MAPK10: variants seen among roughly 807,000 people sequenced by gnomAD.
The protein encoded by MAPK10 is JNK3 alpha protein kinase.
MAPK10 carries 25 observed loss-of-function variants against 59.3 expected under a neutral mutation model. The observed-to-expected ratio is 0.42, with a 90% confidence interval of 0.31 to 0.59. The LOEUF (loss-of-function observed/expected upper bound fraction) is 0.59. MAPK10 is among the 20% of genes least tolerant of loss of function. The pLI is 0.15. For missense variants in MAPK10, 351 were observed against 568.9 expected, an observed-to-expected ratio of 0.62 and a Z score of 3.90; for synonymous variants, 190 against 200.5, an observed-to-expected ratio of 0.95 and a Z score of 0.44.
chr4:86,289,788 T>C (rs558195604), intron 2 of MAPK10, among the ~76,000 whole-genome samples: 9 of 151,988 alleles, frequency 5.9e-5, no homozygotes, highest in South Asian at 2.1e-4. Flanking sequence ...GAAATACTCA[T>C]TTGAGGTAAA....
intron 1 of MAPK10, among the ~76,000 whole-genome samples, chr4:86,586,449 T>C (rs2149115062): frequency 6.6e-6 from 1 of 152,324 alleles, no homozygotes; most frequent in African/African-American, 2.4e-5. Context: ...TCTTTCCTAC[T>C]TCCCCTTCGT....
At chr4:86,123,907 T>C (rs1580714336) in intron 4 of MAPK10, 2 of 152,074 alleles carry the variant, frequency 1.3e-5, no homozygotes, top group African/African-American at 4.8e-5. Flanking sequence ...ATTTAAGTTA[T>C]GGCTACTTTA....
intron 4 of MAPK10, among the ~76,000 whole-genome samples, chr4:86,118,573 TACACATACAC>T (rs1405328624): frequency 5.9e-4 from 51 of 86,836 alleles, no homozygotes; most frequent in African/African-American, 2.0e-3. Flanking sequence ...TTTATATAAA[TACACATACAC>T]ACACACACAC....
rs1222895177 is a variant in MAPK10, at chr4:86,276,451, A to G, written c.-7+78079T>C. 3.3e-5 allele frequency among the ~76,000 whole-genome samples: 5 copies of G among 152,152 alleles called. 1 individual carries two copies. The South Asian group carries it at 1.0e-3, about 31-fold the overall frequency. On this transcript the variant is annotated intron_variant, in intron 2 of 13. Coordinates refer to ENST00000641462, the MANE Select transcript of MAPK10 (RefSeq NM_138982.4). ...AAGCTGCTGTAACAAAGAGAACCCA[A>G]TGTTTAAAAAAAAGATACATGCTTG...
In MAPK10 at chr4:86,101,034, C is replaced by G; in HGVS notation, c.730+18G>C. 6.2e-7 allele frequency: 1 copy of G among 1,610,944 alleles called. No homozygotes were observed. The highest frequency in any genetic ancestry group is 8.5e-7 in the Non-Finnish European group (1 of 1,177,768). The stretch of plus-strand genomic sequence containing the variant: ...TTTCATTCATGGTTTTGATGCTGCT[C>G]TCCCGAAGCATCCCTACCGTTCTCC... On this transcript the variant is annotated intron_variant, in intron 8 of 13. Transcript: ENST00000641462.
chr4:86,237,227 A>T (rs1195907882), intron 2 of MAPK10, among the ~76,000 whole-genome samples: 2 of 152,132 alleles, frequency 1.3e-5, no homozygotes, highest in African/African-American at 4.8e-5. Flanking sequence ...TCCATGGTGA[A>T]TATGTACCAC....
chr4:86,086,794 T>A (rs1480229950), intron 9 of MAPK10, among the ~76,000 whole-genome samples: 1 of 152,190 alleles, frequency 6.6e-6, no homozygotes, highest in South Asian at 2.1e-4. Context: ...CAGAATTTTT[T>A]AAATCAGTAA....
chr4:86,370,175 T>C (rs1738536069), intron 1 of MAPK10, among the ~76,000 whole-genome samples: 1 of 152,150 alleles, frequency 6.6e-6, no homozygotes, highest in Non-Finnish European at 1.5e-5. Flanking sequence ...GGAGATACAG[T>C]TGATCATATG....
Position 86,102,718 on chromosome 4 carries a change from A to T in MAPK10, c.425+468T>A, listed in dbSNP as rs1448553775. 2.0e-5 allele frequency among the ~76,000 whole-genome samples: 3 copies of T among 152,026 alleles called. No homozygotes were observed. In the East Asian group the frequency reaches 5.8e-4, roughly 29 times the overall value. On this transcript the variant is annotated intron_variant, in intron 6 of 13. Coordinates refer to ENST00000641462, the MANE Select transcript of MAPK10 (RefSeq NM_138982.4). ...GTATTTTTAGTAGAGGTGGGGTTTC[A>T]CCATGTTGGCCAGCATGGTCTTGAT... is the stretch of plus-strand genomic sequence containing the variant.
upstream of MAPK10, chr4:86,360,333 A>T: frequency 3.3e-6 from 1 of 306,266 alleles, no homozygotes; most frequent in Non-Finnish European, 4.8e-6. Context: ...CATTCGATGC[A>T]GTTCTGGCCC....
At chr4:86,101,335 G>A (rs1376190072) in intron 7 of MAPK10, 118 bp from the exon 8 acceptor site, 3 of 650,396 alleles carry the variant, frequency 4.6e-6, no homozygotes, top group African/African-American at 1.8e-5. Flanking sequence ...CTTGCCTACA[G>A]AGCTCTAAAT....
chr4:86,364,022 T>C (rs183864290), upstream of MAPK10, among the ~76,000 whole-genome samples: 2 of 152,264 alleles, frequency 1.3e-5, no homozygotes, highest in South Asian at 2.1e-4. Context: ...ACTCATGTGA[T>C]CCTCTTGCCT....
chr4:86,362,967 C>T (rs189813294), upstream of MAPK10, among the ~76,000 whole-genome samples: 14 of 152,156 alleles, frequency 9.2e-5, no homozygotes, highest in Admixed American at 6.5e-4. Context: ...TGGAAACCTA[C>T]GTCTACCAAA....
chr4:86,458,641 A>G (rs1447849634), intron 1 of MAPK10, among the ~76,000 whole-genome samples: 1 of 152,194 alleles, frequency 6.6e-6, no homozygotes, highest in Non-Finnish European at 1.5e-5. Context: ...GATTTTCAAT[A>G]AAGCAAACAA....
At chr4:86,119,336 T>A (rs1003106023) in intron 4 of MAPK10, 1 of 152,210 alleles carries the variant, frequency 6.6e-6, no homozygotes, top group Non-Finnish European at 1.5e-5. Flanking sequence ...GCGATGTGGC[T>A]CACGCCTGTA....
At chr4:86,381,992 C>T (rs1449521533) in intron 1 of MAPK10, among the ~76,000 whole-genome samples, 1 of 152,078 alleles carries the variant, frequency 6.6e-6, no homozygotes. Flanking sequence ...GGTTTCTCTA[C>T]AGTGGCGCTA....
chr4:86,545,377 G>GATTAGTCTTAGTGAGT (rs1184348791), intron 1 of MAPK10, among the ~76,000 whole-genome samples: 5 of 152,170 alleles, frequency 3.3e-5, no homozygotes, highest in African/African-American at 4.8e-5. Flanking sequence ...AATAAAGACG[G>GATTAGTCTTAGTGAGT]CATTTTAGTG....
At chr4:86,155,115 G>GA (rs1429982095) in intron 4 of MAPK10, among the ~76,000 whole-genome samples, 9 of 151,916 alleles carry the variant, frequency 5.9e-5, no homozygotes, top group Admixed American at 2.0e-4. Flanking sequence ...CATCAAAATG[G>GA]AAAAAGCTGC....
chr4:86,270,551 A>G (rs2094402707), intron 2 of MAPK10, among the ~76,000 whole-genome samples: 1 of 152,090 alleles, frequency 6.6e-6, no homozygotes, highest in Non-Finnish European at 1.5e-5. Flanking sequence ...TAAAATTGAC[A>G]TAAAGTGAAA....
Sources: gnomAD v4.1 joint callset for allele counts (sites outside exome capture counted in the v4.1 genomes callset) on GRCh38, gnomAD v4.1.1 for gene constraint, MANE v1.5 for transcripts, NCBI Gene and HGNC (gene_info 2026-07-23, HGNC 2026-07-21) for gene names.